DMRT1: variants seen among roughly 807,000 people sequenced by gnomAD.
DMRT1 encodes doublesex- and mab-3-related transcription factor 1.
DMRT1 carries 7 observed loss-of-function variants against 32.3 expected under a neutral mutation model. That is an observed-to-expected ratio of 0.22 (90% CI 0.12 to 0.41). The LOEUF is 0.41. Ranked by LOEUF, DMRT1 falls within the 10% of genes least tolerant of loss-of-function variation. DMRT1 has a pLI of 1.00. For synonymous variants in DMRT1, 278 were observed against 206.1 expected (o/e 1.35, Z -2.99); for missense variants, 625 against 500.5 (o/e 1.25, Z -2.37).
At chr9:861,990 C>T (rs1277254056) in intron 2 of DMRT1, among the ~76,000 whole-genome samples, 4 of 149,950 alleles carry the variant, frequency 2.7e-5, no homozygotes, top group Non-Finnish European at 1.5e-5. Context: ...GGATGACGGC[C>T]GGGAAGAGGT....
At chr9:871,140 C>G (rs147432095) in intron 2 of DMRT1, among the ~76,000 whole-genome samples, 2 of 151,958 alleles carry the variant, frequency 1.3e-5, no homozygotes, top group African/African-American at 4.8e-5. Flanking sequence ...GGGCTCAAGC[C>G]ATCATCCTAC....
At chr9:933,247 G>T (rs539074429) in intron 4 of DMRT1, among the ~76,000 whole-genome samples, 1 of 152,102 alleles carries the variant, frequency 6.6e-6, no homozygotes, top group Non-Finnish European at 1.5e-5. Context: ...CAAGGCTTAG[G>T]GTCTTTCGGG....
intron 4 of DMRT1, among the ~76,000 whole-genome samples, chr9:917,911 T>C (rs1201615343): frequency 2.0e-5 from 3 of 152,224 alleles, no homozygotes; most frequent in African/African-American, 4.8e-5. Context: ...GAAGTACACA[T>C]TGTTGATTGC....
chr9:892,980 T>C (rs547066269), intron 2 of DMRT1, among the ~76,000 whole-genome samples: 1 of 152,262 alleles, frequency 6.6e-6, no homozygotes, highest in East Asian at 1.9e-4. Context: ...GCAACTCAGG[T>C]GCAGTTTTGT....
intron 3 of DMRT1, among the ~76,000 whole-genome samples, chr9:896,682 G>A (rs986481418): frequency 1.3e-5 from 2 of 151,808 alleles, no homozygotes; most frequent in African/African-American, 2.4e-5. Context: ...GCATGGTGGC[G>A]CACGCCTGTA....
intron 2 of DMRT1, among the ~76,000 whole-genome samples, chr9:864,875 T>TGAA: frequency 2.5e-5 from 1 of 39,310 alleles, no homozygotes; most frequent in Admixed American, 4.0e-4. Flanking sequence ...GCCAAAAGCT[T>TGAA]CGACTAAACC....
intron 2 of DMRT1, among the ~76,000 whole-genome samples, chr9:865,542 C>T (rs1564207497): frequency 6.6e-6 from 1 of 152,080 alleles, no homozygotes; most frequent in Non-Finnish European, 1.5e-5. Context: ...ATAGAGCTCA[C>T]ATTTCAGATA....
At chr9:930,824 GC>G (rs1293119496) in intron 4 of DMRT1, among the ~76,000 whole-genome samples, 1 of 152,182 alleles carries the variant, frequency 6.6e-6, no homozygotes, top group African/African-American at 2.4e-5. Context: ...ACAGACATGA[GC>G]CATTGTGCCC....
chr9:859,457 T>C (rs1374573144), intron 2 of DMRT1, among the ~76,000 whole-genome samples: 3 of 152,196 alleles, frequency 2.0e-5, no homozygotes, highest in African/African-American at 4.8e-5. Flanking sequence ...CTCTCAGTGC[T>C]CTCTCACGGA....
chr9:860,116 G>T (rs1815590109), intron 2 of DMRT1, among the ~76,000 whole-genome samples: 1 of 152,122 alleles, frequency 6.6e-6, no homozygotes, highest in Non-Finnish European at 1.5e-5. Flanking sequence ...GGCCAACATG[G>T]TGAAGCCCCA....
At chr9:911,924 C>T (rs1818006208) in intron 3 of DMRT1, among the ~76,000 whole-genome samples, 1 of 152,266 alleles carries the variant, frequency 6.6e-6, no homozygotes, top group South Asian at 2.1e-4. Flanking sequence ...GTGGATGTAG[C>T]TGAAGTGACT....
chr9:861,419 G>T (rs957227936), intron 2 of DMRT1, among the ~76,000 whole-genome samples: 5 of 150,600 alleles, frequency 3.3e-5, no homozygotes, highest in Non-Finnish European at 7.3e-5. Flanking sequence ...CAAGGCAGAA[G>T]AATTTTTCCT....
chr9:936,002 A>G (rs1284516771), intron 4 of DMRT1, among the ~76,000 whole-genome samples: 1 of 152,198 alleles, frequency 6.6e-6, no homozygotes, highest in Non-Finnish European at 1.5e-5. Context: ...GAGACACTTT[A>G]TTGTAATTCT....
intron 4 of DMRT1, among the ~76,000 whole-genome samples, chr9:931,878 T>C (rs1262216541): frequency 6.6e-6 from 1 of 152,200 alleles, no homozygotes; most frequent in Admixed American, 6.5e-5. Flanking sequence ...GTTTTATGTC[T>C]CTAAATGTCT....
chr9:887,116 G>C (rs922881856), intron 2 of DMRT1, among the ~76,000 whole-genome samples: 1 of 152,188 alleles, frequency 6.6e-6, no homozygotes, highest in Non-Finnish European at 1.5e-5. Context: ...ACTTGAACCT[G>C]GGAGGCGGAG....
chr9:892,881 T>A (rs765025980), intron 2 of DMRT1, among the ~76,000 whole-genome samples: 25 of 152,168 alleles, frequency 1.6e-4, no homozygotes, highest in Non-Finnish European at 2.9e-4. Context: ...ACCCCCACTT[T>A]CCTGCTTCCA....
chr9:857,152 C>T (rs1815432645), intron 2 of DMRT1, among the ~76,000 whole-genome samples: 1 of 151,996 alleles, frequency 6.6e-6, no homozygotes, highest in South Asian at 2.1e-4. Flanking sequence ...ACCAAAAATA[C>T]AAAAATTAGC....
intron 4 of DMRT1, among the ~76,000 whole-genome samples, chr9:957,511 T>C (rs955831463): frequency 2.7e-4 from 41 of 152,224 alleles, no homozygotes; most frequent in African/African-American, 9.9e-4. Flanking sequence ...TCCTAAACAG[T>C]GTGCACTTGG....
chr9:874,138 C>G (rs1344697653), intron 2 of DMRT1, among the ~76,000 whole-genome samples: 1 of 152,294 alleles, frequency 6.6e-6, no homozygotes, highest in African/African-American at 2.4e-5. Flanking sequence ...GGTAGAATCT[C>G]TTTTCTCCTC....
Sources: gnomAD v4.1 joint callset for allele counts (sites outside exome capture counted in the v4.1 genomes callset) on GRCh38, gnomAD v4.1.1 for gene constraint, MANE v1.5 for transcripts, NCBI Gene and HGNC (gene_info 2026-07-23, HGNC 2026-07-21) for gene names.